The following CTSZ variants were observed in gnomAD, a reference collection of about 807,000 sequenced individuals.
CTSZ encodes cathepsin Z.
In CTSZ, 39 loss-of-function variants were observed where a neutral mutation model predicts 32.4. The observed-to-expected ratio is 1.20, with a 90% CI of 0.93 to 1.57. CTSZ has a LOEUF of 1.57. Ranked by LOEUF, CTSZ falls within the 40% of genes most tolerant of loss-of-function variation. The pLI is 0.00. For synonymous variants in CTSZ, 168 were observed against 170.1 expected, an observed-to-expected ratio of 0.99 and a Z score of 0.10; for missense variants, 397 against 419.6, an observed-to-expected ratio of 0.95 and a Z score of 0.47.
intron 5 of CTSZ, 143 bp downstream of exon 5, chr20:58,996,496 G>T: frequency 3.6e-6 from 3 of 839,632 alleles, no homozygotes; most frequent in Admixed American, 2.1e-5. Flanking sequence ...AAAGCCACTC[G>T]CGCGGTGGCT....
At chr20:59,001,818 C>G (rs879500550) in intron 2 of CTSZ, among the ~76,000 whole-genome samples, 174 bp from the exon 3 acceptor site, 1 of 152,252 alleles carries the variant, frequency 6.6e-6, no homozygotes, top group Non-Finnish European at 1.5e-5. Flanking sequence ...GGTCTCCGCT[C>G]AGACGTCGCT....
chr20:59,004,594 T>C lies in CTSZ; in HGVS notation c.307+1728A>G, dbSNP rs1048317986. Reference sequence around the variant, plus strand: ...GGGGCCGGGGGCTTTGTGTTCCTTTTTTCCAGGTGGGAGAGCTTCCCTGAG... The same window carrying C: ...GGGGCCGGGGGCTTTGTGTTCCTTTCTTCCAGGTGGGAGAGCTTCCCTGAG... On this transcript the variant is annotated intron_variant, in intron 2 of 5. Coordinates refer to ENST00000217131, the MANE Select transcript of CTSZ (RefSeq NM_001336.4). The surrounding 1 kb of genome is among the most constrained non-coding windows in gnomAD (Gnocchi z 5.6). Among the ~76,000 whole-genome samples the C allele has an allele frequency of 2.0e-5, 3 of 151,914 alleles. No homozygotes were observed. The highest frequency in any genetic ancestry group is 4.4e-5 in the Non-Finnish European group (3 of 67,962).
rs544351877 is a variant in CTSZ at position 59,004,051 on chromosome 20, A to G, written c.307+2271T>C. ...CTGCTTCGAAGGTAGAACCGACAAG[A>G]CTTGTGGGTGGATTATATGAGGGAC... On this transcript the variant is annotated intron_variant, in intron 2 of 5. Transcript: ENST00000217131. The surrounding 1 kb of genome is among the most constrained non-coding windows in gnomAD (Gnocchi z 5.6). Among the ~76,000 whole-genome samples, 1 of 152,240 alleles carries G rather than the reference A, an allele frequency of 6.6e-6. No homozygotes were observed. Among genetic ancestry groups the G allele is most frequent in the East Asian group, 1.9e-4 (1 of 5,180 alleles).
intron 4 of CTSZ, among the ~76,000 whole-genome samples, chr20:58,997,049 C>T (rs552164040): frequency 4.0e-5 from 6 of 150,420 alleles, no homozygotes; most frequent in African/African-American, 7.3e-5. Context: ...CCCAGCTACT[C>T]GGTGGAGGGG....
In CTSZ at chr20:59,004,035, A is replaced by C. The variant is rs1305113839; in HGVS notation, c.307+2287T>G. 6.6e-6 allele frequency among the ~76,000 whole-genome samples: 1 copy of C among 152,154 alleles called. No individual in the cohort carries two copies. The highest frequency in any genetic ancestry group is 1.5e-5 in the Non-Finnish European group (1 of 68,006). On this transcript the variant is annotated intron_variant, in intron 2 of 5. Transcript: ENST00000217131. The surrounding 1 kb of genome is among the most constrained non-coding windows in gnomAD (Gnocchi z 5.6). ...TGCGTGATTTCTGCATCTGCTTCGA[A>C]GGTAGAACCGACAAGACTTGTGGGT...
In CTSZ at chr20:58,995,724, G is replaced by A. The variant is rs773881826; in HGVS notation, c.837C>T (p.Thr279=). 1 of 1,613,994 alleles carries A rather than the reference G, an allele frequency of 6.2e-7. No homozygotes were observed. Among genetic ancestry groups the A allele is most frequent in the Admixed American group, 1.7e-5 (1 of 59,988 alleles). Residue 279 remains threonine, a synonymous_variant, in exon 6 of 6, where the codon ACC becomes ACT. Transcript: ENST00000217131. ...ERGWLRIVTS[T]YKDGKGARYN... ...ATCTGGCGCCCTTCCCATCCTTATAGGTGCTGGTCACGATCCTCAGCCAGC... is the reference window on the plus strand; with the variant it reads ...ATCTGGCGCCCTTCCCATCCTTATAAGTGCTGGTCACGATCCTCAGCCAGC...
At position 58,995,919 on chromosome 20, in the gene CTSZ, C is replaced by G. The variant is rs532225175; in HGVS notation, c.802-160G>C. On this transcript the variant is annotated intron_variant, in intron 5 of 5. Coordinates refer to ENST00000217131, the MANE Select transcript of CTSZ (RefSeq NM_001336.4). ...CTGCCCCTCAGCTTTCCCATGACCC[C>G]TGTTCTGAAATACCTTTTGTGAAAC... is the stretch of plus-strand genomic sequence containing the variant. Among the ~76,000 whole-genome samples, 16 of 152,324 alleles carry G rather than the reference C, an allele frequency of 1.1e-4. No homozygotes were observed. The East Asian group carries it at 1.2e-3, about 11-fold the overall frequency.
intron 2 of CTSZ, among the ~76,000 whole-genome samples, chr20:59,005,546 A>G (rs973717409): frequency 1.3e-5 from 2 of 152,210 alleles, no homozygotes; most frequent in Non-Finnish European, 2.9e-5. Context: ...ATGGGTGTAC[A>G]GCAGGCCTGA....
At chr20:58,996,868 C>A in intron 4 of CTSZ, 67 bp from the exon 5 acceptor site, 6 of 1,559,334 alleles carry the variant, frequency 3.8e-6, no homozygotes, top group Non-Finnish European at 5.2e-6. Context: ...TAGAAATAAT[C>A]TGATATGGCT....
At chr20:59,000,222 T>C (rs939079004) in intron 3 of CTSZ, among the ~76,000 whole-genome samples, 1 of 146,020 alleles carries the variant, frequency 6.8e-6, no homozygotes, top group African/African-American at 2.6e-5. Context: ...TACTAAAAAA[T>C]ACAAAAGTAG....
rs1412738880 is a variant in CTSZ, at chr20:59,001,447, G to T, written c.487+18C>A. The T allele has an allele frequency of 6.3e-7, 1 of 1,595,246 alleles. No individual in the cohort carries two copies. Among genetic ancestry groups the T allele is most frequent in the East Asian group, 2.3e-5 (1 of 44,366 alleles). ...TGGAGGGCAGGAGGGTGGAGTGGGG[G>T]CACGGGCAGCAGCCTACCCTGGTCC... On this transcript the variant is annotated intron_variant, in intron 3 of 5. Coordinates refer to ENST00000217131, the MANE Select transcript of CTSZ (RefSeq NM_001336.4).
rs767852315 is a variant in CTSZ at position 59,002,792 on chromosome 20, C to T, written c.308-1148G>A. 6.6e-6 allele frequency among the ~76,000 whole-genome samples: 1 copy of T among 152,156 alleles called. No homozygotes were observed. The highest frequency in any genetic ancestry group is 2.4e-5 in the African/African-American group (1 of 41,436). ...CCGGTGGCTGGTTTGTCCCCTCCCA[C>T]CTGACCGACCCACCCTAGGTTCCAT... On this transcript the variant is annotated intron_variant, in intron 2 of 5. Transcript: ENST00000217131. This position sits in a 1 kb window ranked among gnomAD's most constrained non-coding sequence, Gnocchi z 4.1.
rs1452941068 is a variant in CTSZ, at chr20:58,996,741, G to T, written c.699C>A (p.Tyr233Ter). ...ANYTGGIYAE[Y>*]QDTTYINHVV... ...CATGGTTTATATATGTGGTGTCCTG[G>T]TATTCGGCATAGATGCCTCCGGTGT... The change falls in exon 5 of 6, where the codon TAC becomes TAA. Residue 233 changes from tyrosine to a stop codon, truncating the protein, a stop_gained. Transcript: ENST00000217131. LOFTEE classifies it high-confidence loss of function. 1 of 1,614,158 alleles carries T rather than the reference G, an allele frequency of 6.2e-7. No individual in the cohort carries two copies. The highest frequency in any genetic ancestry group is 1.3e-5 in the African/African-American group (1 of 75,042).
In CTSZ at chr20:58,996,734, T is replaced by C. The variant is rs2091862456; in HGVS notation, c.706A>G (p.Thr236Ala). The C allele has an allele frequency of 2.5e-6, 4 of 1,614,214 alleles. No individual in the cohort carries two copies. The highest frequency in any genetic ancestry group is 3.4e-6 in the Non-Finnish European group (4 of 1,180,024). The change falls in exon 5 of 6, where the codon ACC becomes GCC. Residue 236 changes from threonine (T) to alanine (A), a missense_variant. By Grantham distance (58) the Thr-to-Ala change is moderately conservative. Transcript: ENST00000217131. ...GAAACGACATGGTTTATATATGTGG[T>C]GTCCTGGTATTCGGCATAGATGCCT... ...TGGIYAEYQD[T>A]TYINHVVSVA...
In CTSZ at chr20:59,007,078, C is replaced by CAGCAGCACG. The variant is rs767108602; in HGVS notation, c.42_50dup (p.Val15_Leu17dup). 557 of 1,459,518 alleles carry CAGCAGCACG rather than the reference C, an allele frequency of 3.8e-4. 1 individual carries two copies. The African/African-American group carries it at 7.2e-3, about 19-fold the overall frequency. 90.4% of individuals were successfully genotyped at this position (1,459,518 alleles called of 1,614,324 possible). On this transcript the variant is annotated inframe_insertion, in exon 1 of 6. Coordinates refer to ENST00000217131, the MANE Select transcript of CTSZ (RefSeq NM_001336.4). Reference sequence around the variant, plus strand: ...AGAGGCCGCCCTGCGCCGCGCCCGCCAGCAGCACGAGCAGCAGAAGCGGCC... The same window carrying CAGCAGCACG: ...AGAGGCCGCCCTGCGCCGCGCCCGCCAGCAGCACGAGCAGCACGAGCAGCAGAAGCGGCC...
intron 5 of CTSZ, among the ~76,000 whole-genome samples, chr20:58,996,279 G>A (rs541490839): frequency 5.7e-4 from 87 of 152,310 alleles, no homozygotes; most frequent in African/African-American, 2.0e-3. Flanking sequence ...AGAATGAGCT[G>A]GTTGTAAAGG....
chr20:58,996,573 T>C (rs1248279161), intron 5 of CTSZ, 66 bp downstream of exon 5: 2 of 1,537,554 alleles, frequency 1.3e-6, no homozygotes, highest in East Asian at 2.2e-5. Flanking sequence ...ACAGAACCAT[T>C]CAAGCGAGAG....
intron 2 of CTSZ, 145 bp downstream of exon 2, chr20:59,006,177 C>T (rs1034772970): frequency 2.1e-5 from 23 of 1,090,602 alleles, no homozygotes; most frequent in East Asian, 5.2e-5. Flanking sequence ...GGCAAAGGCC[C>T]GCGCTCCTCG....
At chr20:58,996,519 G>T in intron 5 of CTSZ, 120 bp downstream of exon 5, 1 of 1,073,908 alleles carries the variant, frequency 9.3e-7, no homozygotes, top group Non-Finnish European at 1.4e-6. Flanking sequence ...GACAGCTGGA[G>T]CAAGGAACCC....
Sources: gnomAD v4.1 joint callset for allele counts (sites outside exome capture counted in the v4.1 genomes callset) on GRCh38, gnomAD v4.1.1 for gene constraint, Gnocchi (gnomAD v3.1) non-coding constraint, MANE v1.5 for transcripts, NCBI Gene and HGNC (gene_info 2026-07-23, HGNC 2026-07-21) for gene names.